Variants in EYS observed in about 807,000 individuals in gnomAD.
EYS encodes EGF-like photoreceptor maintenance factor.
In EYS, 250 loss-of-function variants were observed where a neutral mutation model predicts 282.1. The observed-to-expected ratio is 0.89, with a 90% confidence interval of 0.80 to 0.98. The LOEUF (loss-of-function observed/expected upper bound fraction) is 0.98, where lower values mean the gene tolerates loss of function less well. EYS is among the 50% of genes least tolerant of loss of function. EYS has a pLI of 0.00. For synonymous variants in EYS, 1,355 were observed against 1,282.9 expected (o/e 1.06, Z -1.20); for missense variants, 4,016 against 3,709.0 (o/e 1.08, Z -2.15).
intron 12 of EYS, among the ~76,000 whole-genome samples, chr6:65,107,826 G>A (rs1192447239): frequency 6.6e-6 from 1 of 151,902 alleles, no homozygotes; most frequent in East Asian, 1.9e-4. Context: ...CTACTTGGTT[G>A]CCCTAGATAT....
chr6:64,516,589 TCTGAAGTTGA>T lies in EYS; in HGVS notation c.5644+73624_5644+73633del, dbSNP rs1239734774. On this transcript the variant is annotated intron_variant, in intron 26 of 42. Coordinates refer to ENST00000503581, the MANE Select transcript of EYS (RefSeq NM_001142800.2). ...ATTACATACTTCACTTGAAGTTGAG[TCTGAAGTTGA>T]GTCAGTCCTAGAATGGCAGACCTCC... 3.3e-3 allele frequency among the ~76,000 whole-genome samples: 246 copies of T among 74,778 alleles called. 4 individuals carry two copies. In the East Asian group the frequency reaches 0.11, roughly 35 times the overall value. The allele number at this position is 74,778 out of a possible 152,430, so 49.1% of individuals were successfully genotyped here.
At chr6:64,758,000 G>T (rs1156813755) in intron 22 of EYS, among the ~76,000 whole-genome samples, 2 of 151,942 alleles carry the variant, frequency 1.3e-5, no homozygotes, top group East Asian at 1.9e-4. Flanking sequence ...GGTCTTGATC[G>T]CCTGACCTCC....
chr6:64,820,300 A>G (rs1764862300), intron 21 of EYS, among the ~76,000 whole-genome samples: 1 of 152,140 alleles, frequency 6.6e-6, no homozygotes, highest in African/African-American at 2.4e-5. Context: ...AATTGCTCTC[A>G]TAATATTGGC....
rs995297484 is a variant in EYS, at chr6:64,530,326, T to C, written c.5644+59897A>G. Among the ~76,000 whole-genome samples, 29 of 152,158 alleles carry C rather than the reference T, an allele frequency of 1.9e-4. 1 individual carries two copies. The South Asian group carries it at 5.2e-3, about 27-fold the overall frequency. On this transcript the variant is annotated intron_variant, in intron 26 of 42. Transcript: ENST00000503581. ...AGACTTAGTAAGTGAAAAGAGTAGA[T>C]GTTAATATAACTTAAGTCTAATAAA...
intron 22 of EYS, among the ~76,000 whole-genome samples, chr6:64,643,682 G>A (rs1238418499): frequency 2.0e-5 from 3 of 152,156 alleles, no homozygotes; most frequent in Non-Finnish European, 4.4e-5. Context: ...CTGAATTATG[G>A]GTGTGGGTCT....
chr6:65,650,153 A>C (rs982244014), intron 1 of EYS, among the ~76,000 whole-genome samples: 1 of 152,202 alleles, frequency 6.6e-6, no homozygotes, highest in Non-Finnish European at 1.5e-5. Context: ...CATTGCCTAC[A>C]TAACTTATTC....
chr6:64,664,842 G>A (rs1769172721), intron 22 of EYS, among the ~76,000 whole-genome samples: 1 of 152,094 alleles, frequency 6.6e-6, no homozygotes, highest in Non-Finnish European at 1.5e-5. Context: ...AGAAATATGA[G>A]AAATAAATTT....
At chr6:63,798,986 T>TATATATATAC in intron 37 of EYS, among the ~76,000 whole-genome samples, 1 of 54,420 alleles carries the variant, frequency 1.8e-5, no homozygotes. Context: ...TGTATATGTG[T>TATATATATAC]GTATATATAT....
chr6:63,879,390 G>A (rs748099558), intron 35 of EYS, among the ~76,000 whole-genome samples: 1 of 152,110 alleles, frequency 6.6e-6, no homozygotes, highest in Non-Finnish European at 1.5e-5. Flanking sequence ...GCTGGTTGGT[G>A]GAGAGAGGGA....
chr6:64,137,689 C>A (rs1774207664), intron 31 of EYS, among the ~76,000 whole-genome samples: 1 of 152,082 alleles, frequency 6.6e-6, no homozygotes, highest in Non-Finnish European at 1.5e-5. Flanking sequence ...CAATATGTAT[C>A]CATTAAGCTT....
At chr6:63,858,830 G>A (rs1423233284) in intron 36 of EYS, among the ~76,000 whole-genome samples, 1 of 152,072 alleles carries the variant, frequency 6.6e-6, no homozygotes, top group African/African-American at 2.4e-5. Flanking sequence ...AGAGTTATGA[G>A]CTTAACATGA....
intron 19 of EYS, among the ~76,000 whole-genome samples, chr6:64,869,222 AT>A (rs113305722): frequency 2.6e-4 from 40 of 151,690 alleles, no homozygotes; most frequent in Middle Eastern, 3.4e-3. Context: ...AAACATGAAC[AT>A]TTGTTCAGAC....
At chr6:64,792,854 A>G (rs1327356024) in intron 22 of EYS, among the ~76,000 whole-genome samples, 1 of 56,602 alleles carries the variant, frequency 1.8e-5, no homozygotes, top group African/African-American at 3.5e-5. Context: ...TACGATCTTG[A>G]CACGTGTGTG....
Position 64,057,729 on chromosome 6 carries a change from C to A in EYS, c.6725+8609G>T, listed in dbSNP as rs141437163. On this transcript the variant is annotated intron_variant, in intron 33 of 42. Transcript: ENST00000503581. ...GTAAAAATTATTTGAATTTCATAAGCTATTTTAATTTTTATTCTTATTTCA... is the reference window on the plus strand; with the variant it reads ...GTAAAAATTATTTGAATTTCATAAGATATTTTAATTTTTATTCTTATTTCA... Among the ~76,000 whole-genome samples, 250 of 151,844 alleles carry A rather than the reference C, an allele frequency of 1.6e-3. 2 individuals are homozygous for A. The highest frequency in any genetic ancestry group is 2.7e-3 in the Non-Finnish European group (183 of 68,006).
chr6:63,751,523 T>C (rs970649462), intron 41 of EYS, among the ~76,000 whole-genome samples: 1 of 152,232 alleles, frequency 6.6e-6, no homozygotes, highest in African/African-American at 2.4e-5. Flanking sequence ...AAGAATCTAA[T>C]AGATTAAAAA....
At chr6:65,283,445 T>C (rs1010916975) in intron 12 of EYS, among the ~76,000 whole-genome samples, 4 of 152,030 alleles carry the variant, frequency 2.6e-5, no homozygotes, top group Non-Finnish European at 4.4e-5. Context: ...TTTATCAATA[T>C]GGTGGCAGTT....
intron 35 of EYS, among the ~76,000 whole-genome samples, chr6:63,927,258 A>G (rs942319227): frequency 6.6e-6 from 1 of 152,200 alleles, no homozygotes; most frequent in Non-Finnish European, 1.5e-5. Context: ...CAATGTTACT[A>G]ATCAGGATCC....
chr6:64,611,094 A>G (rs1178867507), intron 24 of EYS, among the ~76,000 whole-genome samples: 1 of 152,176 alleles, frequency 6.6e-6, no homozygotes, highest in Non-Finnish European at 1.5e-5. Context: ...CATAAAAGCT[A>G]GGATCTTGGC....
intron 11 of EYS, among the ~76,000 whole-genome samples, chr6:65,315,052 A>G (rs1279192573): frequency 6.6e-6 from 1 of 152,112 alleles, no homozygotes; most frequent in Non-Finnish European, 1.5e-5. Context: ...CAGAGCACAC[A>G]TAATCATCTC....
Sources: gnomAD v4.1 joint callset for allele counts (sites outside exome capture counted in the v4.1 genomes callset) on GRCh38, gnomAD v4.1.1 for gene constraint, MANE v1.5 for transcripts, NCBI Gene and HGNC (gene_info 2026-07-23, HGNC 2026-07-21) for gene names.